Variants in ZSWIM6 observed in about 807,000 individuals in gnomAD.
ZSWIM6 encodes zinc finger SWIM-type containing 6, also known as zinc finger SWIM domain-containing protein 6.
ZSWIM6 carries 9 observed loss-of-function variants against 113.2 expected under a neutral mutation model. That is an observed-to-expected ratio of 0.08 (90% CI 0.05 to 0.14). ZSWIM6 has a LOEUF of 0.14. Ranked by LOEUF, ZSWIM6 falls within the 10% of genes least tolerant of loss-of-function variation. The pLI is 1.00. For missense variants in ZSWIM6, 1,162 were observed against 1,552.2 expected (o/e 0.75, Z 4.22); for synonymous variants, 611 against 606.5 (o/e 1.01, Z -0.11).
At chr5:61,505,601 A>ACCTTCCTTCCTTCCTTCCTTCCTT (rs1223688678) in intron 4 of ZSWIM6, among the ~76,000 whole-genome samples, 9 of 77,852 alleles carry the variant, frequency 1.2e-4, no homozygotes, top group East Asian at 4.2e-4. Context: ...TCTATGATTT[A>ACCTTCCTTCCTTCCTTCCTTCCTT]CCTTCCTTCC....
intron 1 of ZSWIM6, among the ~76,000 whole-genome samples, chr5:61,362,066 T>C (rs1745042168): frequency 6.6e-6 from 1 of 152,342 alleles, no homozygotes; most frequent in South Asian, 2.1e-4. Context: ...TTCTTAGATA[T>C]GTATCAGCAA....
At chr5:61,516,143 A>G (rs1748933415) in intron 4 of ZSWIM6, among the ~76,000 whole-genome samples, 1 of 151,382 alleles carries the variant, frequency 6.6e-6, no homozygotes, top group Non-Finnish European at 1.5e-5. Context: ...ATATGTTTAG[A>G]CCATTTATAT....
intron 2 of ZSWIM6, among the ~76,000 whole-genome samples, chr5:61,481,295 A>G (rs532020517): frequency 1.3e-5 from 2 of 152,340 alleles, no homozygotes; most frequent in Admixed American, 6.5e-5. Flanking sequence ...TAAAATCTGC[A>G]TAATGATATG....
chr5:61,458,130 A>G (rs1747244345), intron 1 of ZSWIM6, among the ~76,000 whole-genome samples: 1 of 152,170 alleles, frequency 6.6e-6, no homozygotes, highest in Non-Finnish European at 1.5e-5. Flanking sequence ...GCCTCTGAGT[A>G]TGTAGATGCT....
intron 8 of ZSWIM6, among the ~76,000 whole-genome samples, chr5:61,530,627 A>G (rs1749405309): frequency 6.6e-6 from 1 of 152,244 alleles, no homozygotes; most frequent in Non-Finnish European, 1.5e-5. Flanking sequence ...AAGGGGGAGT[A>G]TTAAATGTCA....
chr5:61,538,356 C>G (rs1452458987), intron 10 of ZSWIM6, among the ~76,000 whole-genome samples: 1 of 152,180 alleles, frequency 6.6e-6, no homozygotes, highest in East Asian at 1.9e-4. Context: ...TAAGCTTATT[C>G]ATCTTAAGTA....
At chr5:61,493,374 G>A (rs912943549) in intron 3 of ZSWIM6, among the ~76,000 whole-genome samples, 4 of 152,056 alleles carry the variant, frequency 2.6e-5, no homozygotes, top group Admixed American at 6.6e-5. Context: ...GCACAACTGC[G>A]AATATACTAA....
chr5:61,501,370 A>T (rs1311929488), intron 4 of ZSWIM6, among the ~76,000 whole-genome samples: 2 of 152,178 alleles, frequency 1.3e-5, no homozygotes, highest in Admixed American at 1.3e-4. Context: ...TACTGCTATC[A>T]ACTATCCTCT....
chr5:61,489,118 C>T (rs1373616182), intron 2 of ZSWIM6, among the ~76,000 whole-genome samples: 1 of 151,998 alleles, frequency 6.6e-6, no homozygotes, highest in African/African-American at 2.4e-5. Flanking sequence ...TTTATTTCTT[C>T]CATGCACCAT....
intron 1 of ZSWIM6, among the ~76,000 whole-genome samples, chr5:61,345,967 CAG>C (rs1273427383): frequency 1.3e-5 from 2 of 152,074 alleles, no homozygotes; most frequent in African/African-American, 4.8e-5. Context: ...TTTGTTGAAA[CAG>C]AGTGTCGCTC....
rs1478928513 is a variant in ZSWIM6 at position 61,543,245 on chromosome 5, A to G, written c.2786-210A>G. 6.6e-6 allele frequency among the ~76,000 whole-genome samples: 1 copy of G among 152,184 alleles called. No individual in the cohort carries two copies. Among genetic ancestry groups the G allele is most frequent in the African/African-American group, 2.4e-5 (1 of 41,454 alleles). On this transcript the variant is annotated intron_variant, in intron 13 of 13. Coordinates refer to ENST00000252744, the MANE Select transcript of ZSWIM6 (RefSeq NM_020928.2). The surrounding 1 kb of genome is among the most constrained non-coding windows in gnomAD (Gnocchi z 4.3). ...ATTGGTTCTTTATTATAGCAAGTTC[A>G]TGTTCCTTTCAGGCATTTCACTGAA...
intron 4 of ZSWIM6, among the ~76,000 whole-genome samples, chr5:61,517,350 T>A (rs1391479370): frequency 6.6e-6 from 1 of 152,162 alleles, no homozygotes; most frequent in Non-Finnish European, 1.5e-5. Context: ...TCAGTTGAGA[T>A]CATTTCTAGC....
At position 61,434,183 on chromosome 5, in the gene ZSWIM6, T is replaced by TAA. The variant is rs767247712; in HGVS notation, c.677-38497_677-38496dup. Among the ~76,000 whole-genome samples the TAA allele has an allele frequency of 6.1e-5, 9 of 147,524 alleles. No homozygotes were observed. The South Asian group carries it at 1.9e-3, about 31-fold the overall frequency. On this transcript the variant is annotated intron_variant, in intron 1 of 13. Transcript: ENST00000252744. ...ATATATGTATTATATATACTATATA[T>TAA]AACATATATAAATATATGTATAATA... is the stretch of plus-strand genomic sequence containing the variant.
At chr5:61,460,525 G>T (rs565865356) in intron 1 of ZSWIM6, among the ~76,000 whole-genome samples, 2 of 152,122 alleles carry the variant, frequency 1.3e-5, no homozygotes, top group South Asian at 2.1e-4. Flanking sequence ...TTCGGAAATG[G>T]GGTCTGTACT....
At chr5:61,423,431 A>C (rs143143612) in intron 1 of ZSWIM6, among the ~76,000 whole-genome samples, 178 of 152,076 alleles carry the variant, frequency 1.2e-3, no homozygotes, top group African/African-American at 3.7e-3. Context: ...CAAAAAAAAA[A>C]CAAAACGGCA....
chr5:61,468,164 A>C (rs1747480542), intron 1 of ZSWIM6, among the ~76,000 whole-genome samples: 1 of 152,230 alleles, frequency 6.6e-6, no homozygotes, highest in Admixed American at 6.5e-5. Flanking sequence ...AGAGAGGTTA[A>C]ATATTTAATA....
intron 4 of ZSWIM6, among the ~76,000 whole-genome samples, chr5:61,498,490 A>G (rs766183567): frequency 6.6e-6 from 1 of 152,188 alleles, no homozygotes. Context: ...TCTAGTTTGA[A>G]TTTCATTGTA....
chr5:61,390,682 C>G (rs1428069894), intron 1 of ZSWIM6: 15 of 857,374 alleles, frequency 1.7e-5, no homozygotes, highest in African/African-American at 3.3e-5. Context: ...GCTCCTTCTT[C>G]CTTTGCAATT....
At chr5:61,341,416 T>C (rs1269670060) in intron 1 of ZSWIM6, among the ~76,000 whole-genome samples, 2 of 152,240 alleles carry the variant, frequency 1.3e-5, no homozygotes, top group Non-Finnish European at 2.9e-5. Context: ...ATTAGAAGTG[T>C]TGTGGTCTTT....
Sources: gnomAD v4.1 joint callset for allele counts (sites outside exome capture counted in the v4.1 genomes callset) on GRCh38, gnomAD v4.1.1 for gene constraint, Gnocchi (gnomAD v3.1) non-coding constraint, MANE v1.5 for transcripts, NCBI Gene and HGNC (gene_info 2026-07-23, HGNC 2026-07-21) for gene names.